The following PTPRT variants were observed in gnomAD, a reference collection of about 807,000 sequenced individuals.
PTPRT encodes receptor-type tyrosine-protein phosphatase T.
Under a neutral mutation model 176.8 loss-of-function variants are expected in PTPRT, and 56 were observed. That is an observed-to-expected ratio of 0.32 (90% CI 0.26 to 0.40). The LOEUF is 0.40. Among genes scored for constraint, PTPRT ranks in the 10% least tolerant of loss-of-function variants. PTPRT has a pLI of 1.00. For synonymous variants in PTPRT, 783 were observed against 739.0 expected, an observed-to-expected ratio of 1.06 and a Z score of -0.96; for missense variants, 1,540 against 1,908.2, an observed-to-expected ratio of 0.81 and a Z score of 3.60.
chr20:42,637,590 A>G (rs1422716107), intron 7 of PTPRT, among the ~76,000 whole-genome samples: 1 of 152,158 alleles, frequency 6.6e-6, no homozygotes, highest in African/African-American at 2.4e-5. Flanking sequence ...GCTCTTCTCC[A>G]CAGTTCCCCT....
chr20:43,104,131 T>C (rs2012502921), intron 1 of PTPRT, among the ~76,000 whole-genome samples: 1 of 152,186 alleles, frequency 6.6e-6, no homozygotes, highest in South Asian at 2.1e-4. Flanking sequence ...ACTTATTAAT[T>C]GAATGACTCA....
intron 16 of PTPRT, among the ~76,000 whole-genome samples, chr20:42,180,205 A>G (rs1990458866): frequency 6.6e-6 from 1 of 152,180 alleles, no homozygotes; most frequent in Non-Finnish European, 1.5e-5. Flanking sequence ...ATCTAAATTT[A>G]GAGGAGAAGT....
intron 7 of PTPRT, among the ~76,000 whole-genome samples, chr20:42,603,231 T>C (rs2073813879): frequency 6.6e-6 from 1 of 151,950 alleles, no homozygotes; most frequent in Non-Finnish European, 1.5e-5. Context: ...AGTGATGTAG[T>C]AATGGTATGC....
chr20:42,597,646 A>G (rs1005722430), intron 7 of PTPRT, among the ~76,000 whole-genome samples: 5 of 152,204 alleles, frequency 3.3e-5, no homozygotes, highest in African/African-American at 1.2e-4. Context: ...TAATTCCGCC[A>G]TAATTTTAAG....
At chr20:42,585,315 A>G (rs1162194813) in intron 7 of PTPRT, among the ~76,000 whole-genome samples, 1 of 152,188 alleles carries the variant, frequency 6.6e-6, no homozygotes, top group East Asian at 1.9e-4. Flanking sequence ...TTGAAAGGCT[A>G]TTGACTCATG....
chr20:42,483,543 T>C (rs1046775849), intron 7 of PTPRT, among the ~76,000 whole-genome samples: 6 of 152,202 alleles, frequency 3.9e-5, no homozygotes, highest in African/African-American at 1.4e-4. Flanking sequence ...CTCGCCCAGT[T>C]GGGTATGTGT....
chr20:42,196,929 G>A (rs189306826), intron 16 of PTPRT, among the ~76,000 whole-genome samples: 70 of 152,202 alleles, frequency 4.6e-4, no homozygotes, highest in African/African-American at 1.5e-3. Context: ...TGTGCAAAGC[G>A]GTATGATATG....
At chr20:42,339,804 A>G (rs1177382689) in intron 11 of PTPRT, among the ~76,000 whole-genome samples, 2 of 152,204 alleles carry the variant, frequency 1.3e-5, no homozygotes, top group Non-Finnish European at 2.9e-5. Flanking sequence ...TATCCAGTGG[A>G]AGTGATGTGG....
chr20:42,098,931 G>C (rs372689639), intron 26 of PTPRT, among the ~76,000 whole-genome samples: 1 of 152,258 alleles, frequency 6.6e-6, no homozygotes, highest in East Asian at 1.9e-4. Context: ...CTGTGGCCAC[G>C]ATGCTGGGCG....
At chr20:42,054,910 C>T in the PTPRT span, among the ~76,000 whole-genome samples, 9 of 152,316 alleles carry the variant, frequency 5.9e-5, no homozygotes, top group South Asian at 2.1e-4. Flanking sequence ...CTCCATGACC[C>T]GCCTCCTCTG....
chr20:42,072,985 CAT>C lies in PTPRT; in HGVS notation c.*7892_*7893del, dbSNP rs939598977. 1.4e-5 allele frequency: 3 copies of C among 221,590 alleles called. No individual in the cohort carries two copies. The highest frequency in any genetic ancestry group is 2.7e-5 in the Non-Finnish European group (3 of 110,882). The allele number at this position is 221,590 out of a possible 1,614,324, so 13.7% of individuals were successfully genotyped here. ...GCTAGAATTGAAAAGAAAAAAAAAACATTGACAGCACAGTGCTGGCTTTTTTA... is the reference window on the plus strand; with the variant it reads ...GCTAGAATTGAAAAGAAAAAAAAAACTGACAGCACAGTGCTGGCTTTTTTA... On this transcript the variant is annotated 3_prime_UTR_variant, in exon 31 of 31. Coordinates refer to ENST00000373187, the MANE Select transcript of PTPRT (RefSeq NM_007050.6).
At chr20:42,543,044 T>C (rs2072611319) in intron 7 of PTPRT, among the ~76,000 whole-genome samples, 2 of 152,208 alleles carry the variant, frequency 1.3e-5, no homozygotes, top group African/African-American at 4.8e-5. Flanking sequence ...GAGGGTCTTG[T>C]CTCGATGTTG....
intron 13 of PTPRT, among the ~76,000 whole-genome samples, chr20:42,273,189 A>G (rs2056968863): frequency 6.6e-6 from 1 of 152,152 alleles, no homozygotes; most frequent in Non-Finnish European, 1.5e-5. Flanking sequence ...AAATTCTTAC[A>G]TTAGCCCTGT....
intron 2 of PTPRT, among the ~76,000 whole-genome samples, chr20:42,795,361 T>A (rs2077438801): frequency 6.6e-6 from 1 of 152,208 alleles, no homozygotes; most frequent in Non-Finnish European, 1.5e-5. Context: ...GCCTCGTTAT[T>A]GATGTGTCTG....
chr20:42,147,432 G>C (rs1203111190), intron 17 of PTPRT, among the ~76,000 whole-genome samples: 1 of 152,102 alleles, frequency 6.6e-6, no homozygotes, highest in Non-Finnish European at 1.5e-5. Flanking sequence ...CCTCACTTTT[G>C]GACAGACTCA....
intron 7 of PTPRT, among the ~76,000 whole-genome samples, chr20:42,480,028 C>A (rs544854528): frequency 2.2e-4 from 34 of 152,202 alleles, no homozygotes; most frequent in African/African-American, 8.2e-4. Context: ...AACACGGTTG[C>A]TACCCTCCCA....
chr20:43,065,581 T>C (rs919948139), intron 1 of PTPRT, among the ~76,000 whole-genome samples: 1 of 152,130 alleles, frequency 6.6e-6, no homozygotes, highest in Admixed American at 6.5e-5. Flanking sequence ...CAGAGATCTG[T>C]TGGTAGGAAA....
chr20:42,779,559 G>A (rs752534841), intron 4 of PTPRT, among the ~76,000 whole-genome samples: 2 of 152,094 alleles, frequency 1.3e-5, no homozygotes, highest in African/African-American at 4.8e-5. Flanking sequence ...CTGTACCCAG[G>A]ACTTATGGCC....
chr20:43,111,583 A>G (rs2012872754), intron 1 of PTPRT, among the ~76,000 whole-genome samples: 1 of 151,318 alleles, frequency 6.6e-6, no homozygotes, highest in African/African-American at 2.4e-5. Flanking sequence ...TGGTTACATA[A>G]TGGGACTTGT....
Sources: gnomAD v4.1 joint callset for allele counts (sites outside exome capture counted in the v4.1 genomes callset) on GRCh38, gnomAD v4.1.1 for gene constraint, MANE v1.5 for transcripts, NCBI Gene and HGNC (gene_info 2026-07-23, HGNC 2026-07-21) for gene names.